CSMD1: variants seen among roughly 807,000 people sequenced by gnomAD.
CSMD1 encodes the protein CUB and Sushi multiple domains 1, also known as CUB and sushi domain-containing protein 1.
In CSMD1, 213 loss-of-function variants were observed where a neutral mutation model predicts 417.5. That is an observed-to-expected ratio of 0.51 (90% CI 0.46 to 0.57). The LOEUF (loss-of-function observed/expected upper bound fraction) is 0.57, where lower values mean the gene tolerates loss of function less well. CSMD1 is among the 20% of genes least tolerant of loss of function. CSMD1 has a pLI of 0.00. For missense variants in CSMD1, 6,923 were observed against 4,529.7 expected, an observed-to-expected ratio of 1.53 and a Z score of -15.17; for synonymous variants, 2,862 against 1,736.8, an observed-to-expected ratio of 1.65 and a Z score of -16.11.
chr8:4,038,767 G>A (rs1468269114), intron 3 of CSMD1, among the ~76,000 whole-genome samples: 2 of 152,188 alleles, frequency 1.3e-5, no homozygotes, highest in Non-Finnish European at 2.9e-5. Flanking sequence ...TAACGTGAAA[G>A]GATTTCTTGA....
At chr8:4,639,772 A>C (rs1376364722) in intron 1 of CSMD1, among the ~76,000 whole-genome samples, 12 of 152,208 alleles carry the variant, frequency 7.9e-5, no homozygotes. Flanking sequence ...CAAATCATTC[A>C]CAGTAATATT....
chr8:3,990,234 C>T (rs2627378), intron 5 of CSMD1, among the ~76,000 whole-genome samples: 5 of 152,028 alleles, frequency 3.3e-5, no homozygotes, highest in Non-Finnish European at 7.4e-5. Context: ...TGATGAAATA[C>T]ATTTTAATCC....
chr8:3,531,859 C>G (rs1488107274), intron 10 of CSMD1, among the ~76,000 whole-genome samples: 1 of 152,142 alleles, frequency 6.6e-6, no homozygotes, highest in Non-Finnish European at 1.5e-5. Context: ...GGGGCCAGGC[C>G]GGTCCACCAT....
chr8:3,096,452 C>T (rs141915814), intron 47 of CSMD1, among the ~76,000 whole-genome samples: 46 of 152,188 alleles, frequency 3.0e-4, no homozygotes, highest in Non-Finnish European at 4.3e-4. Flanking sequence ...CTCTCATGTG[C>T]GTGCACCCAC....
intron 6 of CSMD1, among the ~76,000 whole-genome samples, chr8:3,720,488 A>G (rs1802089774): frequency 6.6e-6 from 1 of 152,198 alleles, no homozygotes; most frequent in Admixed American, 6.5e-5. Context: ...CAACACATTC[A>G]ACAATAACCA....
At chr8:4,947,246 T>G (rs7012396) in intron 1 of CSMD1, among the ~76,000 whole-genome samples, 98,655 of 152,040 alleles carry the variant, frequency 0.65, 32,692 homozygotes, top group East Asian at 0.94. Context: ...ACAGTGAAAT[T>G]TTTAAAATTA....
chr8:4,799,020 G>C (rs561568068), intron 1 of CSMD1, among the ~76,000 whole-genome samples: 4 of 152,280 alleles, frequency 2.6e-5, no homozygotes, highest in Non-Finnish European at 4.4e-5. Flanking sequence ...CTGATATCCA[G>C]GGGGGTTTCC....
intron 26 of CSMD1, among the ~76,000 whole-genome samples, chr8:3,252,242 A>G (rs563155417): frequency 1.1e-3 from 172 of 152,252 alleles, no homozygotes; most frequent in African/African-American, 3.8e-3. Context: ...TCCCATCAAT[A>G]CCTGATTTAT....
chr8:4,248,795 G>A (rs1465548651), intron 3 of CSMD1, among the ~76,000 whole-genome samples: 1 of 151,990 alleles, frequency 6.6e-6, no homozygotes, highest in Non-Finnish European at 1.5e-5. Flanking sequence ...TCCTCTGAAT[G>A]GAAAAATCTT....
Position 4,687,970 on chromosome 8 carries a change from A to T in CSMD1, c.86-50412T>A, listed in dbSNP as rs533295547. On this transcript the variant is annotated intron_variant, in intron 1 of 69. Coordinates refer to ENST00000635120, the MANE Select transcript of CSMD1 (RefSeq NM_033225.6). ...CTAGACATTTAACTCTATCTGTAGC[A>T]TCTTTCACTGCTTCTTGATTCTATC... Among the ~76,000 whole-genome samples, 8 of 152,308 alleles carry T rather than the reference A, an allele frequency of 5.3e-5. No homozygotes were observed. In the South Asian group the frequency reaches 1.2e-3, roughly 24 times the overall value.
In CSMD1 at chr8:4,806,086, C is replaced by A. The variant is rs553291426; in HGVS notation, c.86-168528G>T. Among the ~76,000 whole-genome samples the A allele has an allele frequency of 2.0e-5, 3 of 152,284 alleles. No homozygotes were observed. The East Asian group carries it at 5.8e-4, about 29-fold the overall frequency. ...TCGGTGTCATTTACAGACCCACAAT[C>A]TCTAATTTTAAAATGAACCCAGCAA... On this transcript the variant is annotated intron_variant, in intron 1 of 69. Coordinates refer to ENST00000635120, the MANE Select transcript of CSMD1 (RefSeq NM_033225.6).
At chr8:4,210,993 CAGAA>C (rs897968383) in intron 3 of CSMD1, among the ~76,000 whole-genome samples, 1 of 152,076 alleles carries the variant, frequency 6.6e-6, no homozygotes, top group Non-Finnish European at 1.5e-5. Context: ...TTACTACAAA[CAGAA>C]AGAACCACAA....
intron 49 of CSMD1, among the ~76,000 whole-genome samples, chr8:3,076,162 A>T (rs1813665470): frequency 6.6e-6 from 1 of 152,054 alleles, no homozygotes; most frequent in Non-Finnish European, 1.5e-5. Context: ...ACAGAAATGG[A>T]TTTTCTCACA....
intron 6 of CSMD1, among the ~76,000 whole-genome samples, chr8:3,714,520 A>C (rs1326843786): frequency 1.5e-5 from 2 of 136,092 alleles, no homozygotes; most frequent in Admixed American, 1.7e-4. Flanking sequence ...TTAGGAGTTC[A>C]ACAGCAGCCT....
chr8:3,628,593 G>T (rs376783890), intron 7 of CSMD1, among the ~76,000 whole-genome samples: 1 of 152,198 alleles, frequency 6.6e-6, no homozygotes, highest in Non-Finnish European at 1.5e-5. Flanking sequence ...ATCATGGCAA[G>T]TGCAGGGGGA....
intron 5 of CSMD1, among the ~76,000 whole-genome samples, chr8:3,865,523 G>A (rs895029089): frequency 2.6e-5 from 4 of 151,874 alleles, no homozygotes; most frequent in Non-Finnish European, 5.9e-5. Context: ...GGAAAGAGTT[G>A]GGGGTGGAGG....
chr8:3,876,353 T>C (rs778927793), intron 5 of CSMD1, among the ~76,000 whole-genome samples: 13 of 152,334 alleles, frequency 8.5e-5, no homozygotes, highest in Middle Eastern at 6.8e-3. Flanking sequence ...GTGTTAGTTT[T>C]CATGTATAGT....
rs140374452 is a variant in CSMD1, at chr8:3,920,255, G to C, written c.818+77648C>G. Among the ~76,000 whole-genome samples the C allele has an allele frequency of 1.8e-4, 27 of 152,006 alleles. No individual in the cohort carries two copies. The East Asian group carries it at 5.0e-3, about 28-fold the overall frequency. On this transcript the variant is annotated intron_variant, in intron 5 of 69. Transcript: ENST00000635120. ...TCACCATGTTGCCCGGGATGCTCTT[G>C]AACTCCTGGGCTCAAGTGATCCACC...
At chr8:3,776,574 CCTT>C (rs1050968609) in intron 5 of CSMD1, among the ~76,000 whole-genome samples, 10 of 152,160 alleles carry the variant, frequency 6.6e-5, no homozygotes, top group Admixed American at 1.3e-4. Flanking sequence ...AGGTGACTCA[CCTT>C]CTTCCTACGG....
Sources: gnomAD v4.1 joint callset for allele counts (sites outside exome capture counted in the v4.1 genomes callset) on GRCh38, gnomAD v4.1.1 for gene constraint, MANE v1.5 for transcripts, NCBI Gene and HGNC (gene_info 2026-07-23, HGNC 2026-07-21) for gene names.